NRG2: variants seen among roughly 807,000 people sequenced by gnomAD.
NRG2 encodes neuregulin 2, also known as pro-neuregulin-2, membrane-bound isoform.
In NRG2, 27 loss-of-function variants were observed where a neutral mutation model predicts 73.9. The observed-to-expected ratio is 0.37, with a 90% CI of 0.27 to 0.50. NRG2 has a LOEUF of 0.50. Among genes scored for constraint, NRG2 ranks in the 20% least tolerant of loss-of-function variants. The pLI, the probability that NRG2 is intolerant of heterozygous loss-of-function variation, is 0.96. For synonymous variants in NRG2, 532 were observed against 541.0 expected, an observed-to-expected ratio of 0.98 and a Z score of 0.23; for missense variants, 1,126 against 1,210.1, an observed-to-expected ratio of 0.93 and a Z score of 1.03.
chr5:139,939,518 G>A lies in NRG2; in HGVS notation c.701-52007C>T, dbSNP rs555428549. On this transcript the variant is annotated intron_variant, in intron 1 of 9. Coordinates refer to ENST00000361474, the MANE Select transcript of NRG2 (RefSeq NM_004883.3). ...TTGAACTCCTGGCCTCAAGTGATCT[G>A]CCCGCCTTGGCCTCCCAAAGTGCTG... is the stretch of plus-strand genomic sequence containing the variant. Among the ~76,000 whole-genome samples, 4 of 152,104 alleles carry A rather than the reference G, an allele frequency of 2.6e-5. No individual in the cohort carries two copies. In the South Asian group the frequency reaches 8.3e-4, roughly 32 times the overall value.
At chr5:139,912,951 C>T (rs570517590) in intron 1 of NRG2, among the ~76,000 whole-genome samples, 28 of 152,320 alleles carry the variant, frequency 1.8e-4, no homozygotes, top group African/African-American at 6.7e-4. Context: ...AGCTCTAGGA[C>T]CTTTGTTCCT....
At chr5:139,898,136 T>C (rs1372902170) in intron 1 of NRG2, among the ~76,000 whole-genome samples, 1 of 152,250 alleles carries the variant, frequency 6.6e-6, no homozygotes, top group African/African-American at 2.4e-5. Context: ...GCTCCTCACC[T>C]TGGGGACCAG....
intron 1 of NRG2, among the ~76,000 whole-genome samples, chr5:139,958,302 G>T (rs1754791337): frequency 6.6e-6 from 1 of 152,086 alleles, no homozygotes; most frequent in African/African-American, 2.4e-5. Context: ...GGAATGGGCT[G>T]CTGTGTGGGA....
At chr5:139,959,039 CT>C (rs953336777) in intron 1 of NRG2, among the ~76,000 whole-genome samples, 1 of 152,166 alleles carries the variant, frequency 6.6e-6, no homozygotes, top group Non-Finnish European at 1.5e-5. Flanking sequence ...GCAGGGCAGA[CT>C]GGGGCAGGGC....
At chr5:140,039,125 A>G (rs1761718198) in intron 1 of NRG2, among the ~76,000 whole-genome samples, 1 of 152,240 alleles carries the variant, frequency 6.6e-6, no homozygotes, top group African/African-American at 2.4e-5. Context: ...ACTGCTAATC[A>G]GGAAATCCCA....
chr5:139,994,603 T>C (rs1210842991), intron 1 of NRG2, among the ~76,000 whole-genome samples: 1 of 152,256 alleles, frequency 6.6e-6, no homozygotes, highest in Non-Finnish European at 1.5e-5. Flanking sequence ...CTGAATTGTA[T>C]ACTTAGAAAT....
rs185209366 is a variant in NRG2 at position 139,987,867 on chromosome 5, C to G, written c.700+54503G>C. On this transcript the variant is annotated intron_variant, in intron 1 of 9. Coordinates refer to ENST00000361474, the MANE Select transcript of NRG2 (RefSeq NM_004883.3). ...TCGGCTCACTGCAAGCTCCACCTCCCGGGTTCACGCCATCCTCCTGCCTCA... is the reference window on the plus strand; with the variant it reads ...TCGGCTCACTGCAAGCTCCACCTCCGGGGTTCACGCCATCCTCCTGCCTCA... 6.4e-3 allele frequency among the ~76,000 whole-genome samples: 976 copies of G among 151,612 alleles called. 16 individuals are homozygous for G. The highest frequency in any genetic ancestry group is 0.022 in the African/African-American group (918 of 41,256).
intron 1 of NRG2, among the ~76,000 whole-genome samples, chr5:139,938,133 A>G (rs375630846): frequency 2.0e-5 from 3 of 152,320 alleles, no homozygotes; most frequent in South Asian, 2.1e-4. Flanking sequence ...AGTAAGATCT[A>G]AATAAATGGA....
intron 1 of NRG2, among the ~76,000 whole-genome samples, chr5:139,985,608 AATGC>A (rs1217263641): frequency 3.3e-5 from 5 of 152,124 alleles, no homozygotes; most frequent in Admixed American, 3.3e-4. Flanking sequence ...TCCCCATAAA[AATGC>A]ATGCAGGCTT....
rs551607258 is a variant in NRG2, at chr5:139,924,985, G to A, written c.701-37474C>T. ...GAGATGGGGATTGCTGCCAAGGGCC[G>A]GCCCGAGTCTCAGGACAGTAGGACA... On this transcript the variant is annotated intron_variant, in intron 1 of 9. Transcript: ENST00000361474. Among the ~76,000 whole-genome samples, 37 of 152,264 alleles carry A rather than the reference G, an allele frequency of 2.4e-4. 1 individual carries two copies. The highest frequency in any genetic ancestry group is 2.2e-3 in the Admixed American group (33 of 15,296).
At position 140,043,214 on chromosome 5, in the gene NRG2, CA is replaced by C; in HGVS notation, c.-146del. 2 of 894,750 alleles carry C rather than the reference CA, an allele frequency of 2.2e-6. No individual in the cohort carries two copies. Among genetic ancestry groups the C allele is most frequent in the Non-Finnish European group, 3.2e-6 (2 of 619,944 alleles). The allele number at this position is 894,750 out of a possible 1,614,324, so 55.4% of individuals were successfully genotyped here. On this transcript the variant is annotated 5_prime_UTR_variant, in exon 1 of 10. Transcript: ENST00000361474. This position sits in a 1 kb window ranked among gnomAD's most constrained non-coding sequence, Gnocchi z 6.7. ...GCCCGGGGAGGTGGCCCAGCTAGGG[CA>C]GGGGGCAGGCGGCAAGCGGGCCGCG...
At chr5:139,861,865 T>C in intron 5 of NRG2, 1 of 457,028 alleles carries the variant, frequency 2.2e-6, no homozygotes, top group Non-Finnish European at 4.4e-6. Context: ...CATGCTGCCC[T>C]GAGAGAACAG....
At chr5:139,902,973 T>G (rs1764983130) in intron 1 of NRG2, among the ~76,000 whole-genome samples, 1 of 152,224 alleles carries the variant, frequency 6.6e-6, no homozygotes, top group African/African-American at 2.4e-5. Context: ...GGCCTTTAAG[T>G]TTCCTTAACT....
At chr5:139,864,159 T>C (rs1472854622) in intron 5 of NRG2, among the ~76,000 whole-genome samples, 3 of 152,068 alleles carry the variant, frequency 2.0e-5, no homozygotes, top group Non-Finnish European at 2.9e-5. Flanking sequence ...CCTAGCCTGC[T>C]CTGCAGGATG....
chr5:139,974,703 C>A (rs1019487675), intron 1 of NRG2, among the ~76,000 whole-genome samples: 26 of 152,194 alleles, frequency 1.7e-4, no homozygotes, highest in African/African-American at 5.8e-4. Flanking sequence ...TCTCTTCTCC[C>A]CGTAGATCAG....
At chr5:139,983,161 C>A (rs1756938035) in intron 1 of NRG2, among the ~76,000 whole-genome samples, 1 of 152,190 alleles carries the variant, frequency 6.6e-6, no homozygotes, top group Non-Finnish European at 1.5e-5. Context: ...TGGAGGTGAG[C>A]AGATGGCTCA....
chr5:139,925,935 T>G (rs1752026972), intron 1 of NRG2, among the ~76,000 whole-genome samples: 1 of 152,228 alleles, frequency 6.6e-6, no homozygotes, highest in Non-Finnish European at 1.5e-5. Context: ...AGGCAGCTCC[T>G]GACAGCTGGC....
chr5:139,978,671 A>T (rs1756555813), intron 1 of NRG2, among the ~76,000 whole-genome samples: 1 of 152,256 alleles, frequency 6.6e-6, no homozygotes, highest in African/African-American at 2.4e-5. Context: ...ATGCTGCTAT[A>T]TTATAAACAT....
At chr5:139,880,689 A>C (rs1371580131) in intron 3 of NRG2, among the ~76,000 whole-genome samples, 167 bp downstream of exon 3, 2 of 151,822 alleles carry the variant, frequency 1.3e-5, no homozygotes, top group Non-Finnish European at 1.5e-5. Flanking sequence ...TTATGCTTCG[A>C]CTGCATTTCT....
Sources: gnomAD v4.1 joint callset for allele counts (sites outside exome capture counted in the v4.1 genomes callset) on GRCh38, gnomAD v4.1.1 for gene constraint, Gnocchi (gnomAD v3.1) non-coding constraint, MANE v1.5 for transcripts, NCBI Gene and HGNC (gene_info 2026-07-23, HGNC 2026-07-21) for gene names.